KSR2: variants seen among roughly 807,000 people sequenced by gnomAD.
KSR2 encodes kinase suppressor of ras 2.
In KSR2, 25 loss-of-function variants were observed where a neutral mutation model predicts 107.8. The ratio of observed to expected loss-of-function variants is 0.23; its 90% CI spans 0.17 to 0.32. KSR2 has a LOEUF of 0.32. KSR2 is among the 10% of genes least tolerant of loss of function. The pLI, the probability that KSR2 is intolerant of heterozygous loss-of-function variation, is 1.00. For missense variants in KSR2, 887 were observed against 1,268.9 expected (o/e 0.70, Z 4.57); for synonymous variants, 480 against 507.0 (o/e 0.95, Z 0.71).
chr12:117,781,449 G>A (rs112176610), intron 3 of KSR2, among the ~76,000 whole-genome samples: 3 of 152,162 alleles, frequency 2.0e-5, no homozygotes, highest in Non-Finnish European at 4.4e-5. Context: ...GAGTGCAGAT[G>A]ATGGGGAGAG....
intron 3 of KSR2, among the ~76,000 whole-genome samples, chr12:117,841,226 A>C (rs1177640757): frequency 6.6e-6 from 1 of 152,188 alleles, no homozygotes; most frequent in Non-Finnish European, 1.5e-5. Context: ...GGAAGGCAAG[A>C]ATAATTTTGC....
At chr12:117,885,016 G>A (rs904499163) in intron 1 of KSR2, among the ~76,000 whole-genome samples, 6 of 152,086 alleles carry the variant, frequency 3.9e-5, no homozygotes, top group Non-Finnish European at 8.8e-5. Flanking sequence ...CCAGAGGAGG[G>A]AGCACAGATC....
chr12:117,787,992 G>A (rs186502698), intron 3 of KSR2, among the ~76,000 whole-genome samples: 320 of 152,332 alleles, frequency 2.1e-3, no homozygotes, highest in Non-Finnish European at 4.2e-3. Flanking sequence ...TACTTCACTA[G>A]CTAAAAAAGT....
intron 14 of KSR2, among the ~76,000 whole-genome samples, chr12:117,518,653 C>T (rs927498546): frequency 2.0e-5 from 3 of 152,240 alleles, no homozygotes; most frequent in Non-Finnish European, 4.4e-5. Flanking sequence ...ACGTGGGCTT[C>T]CCATTGCCGT....
At chr12:117,635,874 C>T (rs1883046232) in intron 5 of KSR2, among the ~76,000 whole-genome samples, 1 of 152,074 alleles carries the variant, frequency 6.6e-6, no homozygotes, top group Non-Finnish European at 1.5e-5. Context: ...TCACCGCAAC[C>T]TCCACCTCCC....
intron 1 of KSR2, among the ~76,000 whole-genome samples, chr12:117,875,662 C>A (rs1460771782): frequency 6.6e-6 from 1 of 152,156 alleles, no homozygotes. Flanking sequence ...AGAGCTCCAG[C>A]CTTTGAACTT....
At chr12:117,766,665 G>A (rs1445494453) in intron 3 of KSR2, among the ~76,000 whole-genome samples, 1 of 152,122 alleles carries the variant, frequency 6.6e-6, no homozygotes, top group Non-Finnish European at 1.5e-5. Flanking sequence ...CACTGGCCAG[G>A]AGGTGGGGGT....
chr12:117,697,044 T>G (rs1886092060), intron 4 of KSR2, among the ~76,000 whole-genome samples: 1 of 152,214 alleles, frequency 6.6e-6, no homozygotes, highest in African/African-American at 2.4e-5. Flanking sequence ...GATATTTCAA[T>G]GCGCCTTTAA....
chr12:117,475,825 C>T (rs879772615), intron 17 of KSR2, among the ~76,000 whole-genome samples: 1 of 152,216 alleles, frequency 6.6e-6, no homozygotes, highest in Non-Finnish European at 1.5e-5. Context: ...ATTTCTGAGA[C>T]TAGATCATAA....
intron 2 of KSR2, among the ~76,000 whole-genome samples, chr12:117,857,085 G>T (rs574566553): frequency 5.8e-4 from 88 of 151,848 alleles, no homozygotes; most frequent in Non-Finnish European, 5.0e-4. Flanking sequence ...ATAGAGACAG[G>T]GTCTCCCTCT....
At chr12:117,503,542 C>T (rs554861903) in intron 14 of KSR2, among the ~76,000 whole-genome samples, 1 of 152,322 alleles carries the variant, frequency 6.6e-6, no homozygotes, top group Non-Finnish European at 1.5e-5. Context: ...TAGATCAGAA[C>T]AGCCTGAATC....
At chr12:117,782,539 A>G (rs1298144680) in intron 3 of KSR2, among the ~76,000 whole-genome samples, 1 of 152,210 alleles carries the variant, frequency 6.6e-6, no homozygotes, top group African/African-American at 2.4e-5. Context: ...TGTTGGGATT[A>G]CAAGCGTGAG....
chr12:117,704,930 T>A (rs1886463172), intron 4 of KSR2, among the ~76,000 whole-genome samples: 1 of 152,048 alleles, frequency 6.6e-6, no homozygotes, highest in Admixed American at 6.5e-5. Context: ...CTATTGACTC[T>A]AACCTAAAGA....
At chr12:117,614,069 T>C (rs1881746123) in intron 5 of KSR2, among the ~76,000 whole-genome samples, 1 of 152,204 alleles carries the variant, frequency 6.6e-6, no homozygotes, top group Non-Finnish European at 1.5e-5. Context: ...ATCCACAGTA[T>C]GAAATATTAC....
intron 1 of KSR2, among the ~76,000 whole-genome samples, chr12:117,936,899 G>C (rs1322414099): frequency 6.6e-6 from 1 of 152,182 alleles, no homozygotes. Context: ...AAGGAAACAG[G>C]TCTGAAAAAC....
chr12:117,667,595 G>A lies in KSR2; in HGVS notation c.1050C>T (p.Asn350=). 1.2e-6 allele frequency: 2 copies of A among 1,613,360 alleles called. No homozygotes were observed. The highest frequency in any genetic ancestry group is 1.7e-6 in the Non-Finnish European group (2 of 1,179,662). ...KIHSSVGSCE[N]IPSQQRSPLL... is the part of the protein sequence containing the mutation. ...GCGGGGAGCGCTGCTGAGAGGGGAT[G>A]TTCTCGCAGCTGCCTACGCTGCTGT... The change falls in exon 5 of 20, where the codon AAC becomes AAT. Residue 350 remains asparagine (N), a synonymous_variant. Coordinates refer to ENST00000339824, the MANE Select transcript of KSR2 (RefSeq NM_173598.6).
chr12:117,593,468 GAA>G (rs1880443743), intron 5 of KSR2, among the ~76,000 whole-genome samples: 1 of 152,248 alleles, frequency 6.6e-6, no homozygotes, highest in Non-Finnish European at 1.5e-5. Flanking sequence ...AGAAACTGGT[GAA>G]GACTTGTTTG....
chr12:117,833,036 G>A (rs907614388), intron 3 of KSR2, among the ~76,000 whole-genome samples: 1 of 152,142 alleles, frequency 6.6e-6, no homozygotes, highest in African/African-American at 2.4e-5. Flanking sequence ...TGGGGCGGGG[G>A]GTGGTGGAGG....
At chr12:117,719,068 A>T (rs1295075265) in intron 4 of KSR2, among the ~76,000 whole-genome samples, 3 of 152,208 alleles carry the variant, frequency 2.0e-5, no homozygotes, top group Non-Finnish European at 4.4e-5. Context: ...TGGCCTGTGG[A>T]GAAACATCTG....
Sources: allele counts gnomAD v4.1 joint callset (sites outside exome capture counted in the v4.1 genomes callset), GRCh38; gene constraint gnomAD v4.1.1; transcripts MANE v1.5; gene names NCBI Gene and HGNC (gene_info 2026-07-23, HGNC 2026-07-21).